The following NKAIN2 variants were observed in gnomAD, a reference collection of about 807,000 sequenced individuals.
NKAIN2 encodes sodium/potassium transporting ATPase interacting 2.
A neutral mutation model predicts 32.6 loss-of-function variants in NKAIN2; 14 were observed. The ratio of observed to expected loss-of-function variants is 0.43; its 90% confidence interval spans 0.28 to 0.67. The LOEUF is 0.67. NKAIN2 is among the 30% of genes least tolerant of loss of function. The probability of loss-of-function intolerance (pLI) is 0.17; values close to 1 mark genes in which losing one functional copy is unlikely to be tolerated. For missense variants in NKAIN2, 198 were observed against 258.3 expected (o/e 0.77, Z 1.60); for synonymous variants, 80 against 87.2 (o/e 0.92, Z 0.46).
chr6:124,583,715 A>G (rs943997387), intron 3 of NKAIN2, among the ~76,000 whole-genome samples: 1 of 152,176 alleles, frequency 6.6e-6, no homozygotes, highest in Non-Finnish European at 1.5e-5. Context: ...CAAAACTGGA[A>G]GAATCACATT....
intron 1 of NKAIN2, among the ~76,000 whole-genome samples, chr6:124,031,911 C>T (rs895274913): frequency 2.6e-5 from 4 of 152,054 alleles, no homozygotes; most frequent in Non-Finnish European, 5.9e-5. Context: ...ATCCCATTAC[C>T]GGGTATATAC....
intron 1 of NKAIN2, among the ~76,000 whole-genome samples, chr6:124,256,949 C>A (rs553325299): frequency 7.7e-6 from 1 of 130,120 alleles, no homozygotes; most frequent in Admixed American, 9.5e-5. Flanking sequence ...AAACAACGTG[C>A]AAAAGCTATA....
Position 124,568,170 on chromosome 6 carries a change from C to A in NKAIN2, c.274-90016C>A, listed in dbSNP as rs564738948. Among the ~76,000 whole-genome samples, 36 of 152,302 alleles carry A rather than the reference C, an allele frequency of 2.4e-4. No homozygotes were observed. The South Asian group carries it at 7.0e-3, about 30-fold the overall frequency. On this transcript the variant is annotated intron_variant, in intron 3 of 6. Coordinates refer to ENST00000368417, the MANE Select transcript of NKAIN2 (RefSeq NM_001040214.3). ...ACCCCAAAGCCTCAGTGGAGAGGTT[C>A]ACTTTGCCTTTTGTAGAAAGCACAG...
chr6:124,347,425 A>T lies in NKAIN2; in HGVS notation c.193-7842A>T, dbSNP rs1329875411. 2.0e-5 allele frequency among the ~76,000 whole-genome samples: 3 copies of T among 152,202 alleles called. No homozygotes were observed. In the South Asian group the frequency reaches 6.2e-4, roughly 32 times the overall value. ...AGTTCTCCTGGATAATATCCTGCAGAGTGTTTTCCAACTTGGTTCCATTCT... is the reference window on the plus strand; with the variant it reads ...AGTTCTCCTGGATAATATCCTGCAGTGTGTTTTCCAACTTGGTTCCATTCT... On this transcript the variant is annotated intron_variant, in intron 2 of 6. Coordinates refer to ENST00000368417, the MANE Select transcript of NKAIN2 (RefSeq NM_001040214.3).
intron 3 of NKAIN2, among the ~76,000 whole-genome samples, chr6:124,362,196 T>G (rs1183043206): frequency 6.6e-6 from 1 of 152,076 alleles, no homozygotes; most frequent in African/African-American, 2.4e-5. Flanking sequence ...ACTGTAAAAT[T>G]TATATATCTG....
chr6:123,971,448 C>T (rs565284622), intron 1 of NKAIN2, among the ~76,000 whole-genome samples: 19 of 152,096 alleles, frequency 1.2e-4, no homozygotes, highest in South Asian at 6.2e-4. Context: ...TGCTTTTTAT[C>T]ATAGCACTCC....
At chr6:124,549,391 T>A (rs992146581) in intron 3 of NKAIN2, among the ~76,000 whole-genome samples, 2 of 152,038 alleles carry the variant, frequency 1.3e-5, no homozygotes, top group Admixed American at 6.6e-5. Context: ...AAGTAAATAG[T>A]GGCTTTTTAA....
intron 3 of NKAIN2, among the ~76,000 whole-genome samples, chr6:124,424,516 A>G (rs759171197): frequency 1.1e-4 from 16 of 152,120 alleles, no homozygotes; most frequent in African/African-American, 2.4e-4. Flanking sequence ...TTCATCCTAC[A>G]TAAATGAACT....
At chr6:123,874,631 T>C (rs1009995848) in intron 1 of NKAIN2, among the ~76,000 whole-genome samples, 4 of 152,102 alleles carry the variant, frequency 2.6e-5, no homozygotes, top group Non-Finnish European at 5.9e-5. Context: ...TCTCTAGAAA[T>C]ATATATTTTT....
At chr6:124,318,898 C>A (rs918589807) in intron 2 of NKAIN2, among the ~76,000 whole-genome samples, 10 of 152,060 alleles carry the variant, frequency 6.6e-5, no homozygotes, top group Non-Finnish European at 1.3e-4. Flanking sequence ...GGGTGTTATG[C>A]TTAACCAAGA....
chr6:124,333,310 A>G (rs1404383691), intron 2 of NKAIN2, among the ~76,000 whole-genome samples: 1 of 152,134 alleles, frequency 6.6e-6, no homozygotes. Flanking sequence ...ACCATTTACT[A>G]TCTCACAGTT....
intron 3 of NKAIN2, among the ~76,000 whole-genome samples, chr6:124,486,542 G>A (rs1777657445): frequency 1.3e-5 from 2 of 152,122 alleles, no homozygotes; most frequent in African/African-American, 2.4e-5. Context: ...TTAAAAGCCA[G>A]GCAATACAAT....
At chr6:124,408,792 T>C (rs2114485869) in intron 3 of NKAIN2, among the ~76,000 whole-genome samples, 1 of 152,330 alleles carries the variant, frequency 6.6e-6, no homozygotes, top group South Asian at 2.1e-4. Context: ...TTGGGCAGTA[T>C]GGCCATTTTC....
intron 2 of NKAIN2, among the ~76,000 whole-genome samples, chr6:124,339,259 C>G (rs1482297508): frequency 6.6e-6 from 1 of 152,146 alleles, no homozygotes; most frequent in East Asian, 1.9e-4. Context: ...GCAGGAGAAT[C>G]GCTTGAACCC....
intron 3 of NKAIN2, among the ~76,000 whole-genome samples, chr6:124,498,282 G>A (rs548614104): frequency 6.6e-5 from 10 of 152,206 alleles, no homozygotes; most frequent in Admixed American, 5.2e-4. Context: ...CAAGCAGATC[G>A]GATTTTATTT....
At chr6:123,922,180 T>C (rs2114493847) in intron 1 of NKAIN2, among the ~76,000 whole-genome samples, 1 of 152,322 alleles carries the variant, frequency 6.6e-6, no homozygotes, top group East Asian at 1.9e-4. Context: ...TATTTTTGGT[T>C]GATAGGCAAC....
intron 4 of NKAIN2, among the ~76,000 whole-genome samples, chr6:124,708,974 T>A (rs1208644317): frequency 6.8e-6 from 1 of 147,648 alleles, no homozygotes; most frequent in Admixed American, 6.7e-5. Flanking sequence ...TGGCTGTGGG[T>A]TTGTCATAGA....
At chr6:124,543,650 A>AC (rs1425335558) in intron 3 of NKAIN2, among the ~76,000 whole-genome samples, 1 of 152,184 alleles carries the variant, frequency 6.6e-6, no homozygotes, top group East Asian at 1.9e-4. Context: ...ACACACACAC[A>AC]AAAAAAGCAG....
At chr6:123,847,990 G>C (rs1775162997) in intron 1 of NKAIN2, among the ~76,000 whole-genome samples, 1 of 152,074 alleles carries the variant, frequency 6.6e-6, no homozygotes, top group Admixed American at 6.6e-5. Flanking sequence ...CAGCGTTCTA[G>C]CTCCTAGAGC....
Sources: allele counts gnomAD v4.1 joint callset (sites outside exome capture counted in the v4.1 genomes callset), GRCh38; gene constraint gnomAD v4.1.1; transcripts MANE v1.5; gene names NCBI Gene and HGNC (gene_info 2026-07-23, HGNC 2026-07-21).